The following STXBP4 variants were observed in gnomAD, a reference collection of about 807,000 sequenced individuals.
STXBP4 encodes syntaxin-binding protein 4.
In STXBP4, 55 loss-of-function variants were observed where a neutral mutation model predicts 76.1. That is an observed-to-expected ratio of 0.72 (90% CI 0.58 to 0.91). STXBP4 has a LOEUF of 0.91. Among genes scored for constraint, STXBP4 ranks in the 40% least tolerant of loss-of-function variants. STXBP4 has a pLI of 0.00. For synonymous variants in STXBP4, 201 were observed against 220.2 expected (o/e 0.91, Z 0.77); for missense variants, 618 against 636.9 (o/e 0.97, Z 0.32).
chr17:55,193,814 A>AG, the STXBP4 span, among the ~76,000 whole-genome samples: 17 of 70,856 alleles, frequency 2.4e-4, no homozygotes, highest in African/African-American at 7.0e-4. Flanking sequence ...ACCTGATTTC[A>AG]GAAAAAAAAA....
intron 8 of STXBP4, 139 bp from the exon 9 acceptor site, chr17:55,031,029 G>A (rs945846663): frequency 1.7e-6 from 1 of 598,634 alleles, no homozygotes; most frequent in South Asian, 2.2e-5. Flanking sequence ...TCCATAAAGA[G>A]CTGACTTCCC....
intron 10 of STXBP4, among the ~76,000 whole-genome samples, chr17:55,035,601 C>A (rs905579138): frequency 4.0e-5 from 6 of 151,762 alleles, no homozygotes; most frequent in African/African-American, 1.4e-4. Context: ...TTAAAATTTT[C>A]TTCCATATTG....
chr17:55,052,916 CGTGTGTGTGTGTGT>C (rs59163531), intron 12 of STXBP4, among the ~76,000 whole-genome samples: 6 of 95,700 alleles, frequency 6.3e-5, no homozygotes, highest in Admixed American at 1.4e-4. Context: ...ACGTGTATGA[CGTGTGTGTGTGTGT>C]GTGTGTGTGT....
rs536231335 is a variant in STXBP4, at chr17:55,127,294, T to G, written c.1490-14016T>G. 1.5e-3 allele frequency among the ~76,000 whole-genome samples: 229 copies of G among 152,352 alleles called. 1 individual carries two copies. The highest frequency in any genetic ancestry group is 7.9e-4 in the Non-Finnish European group (54 of 68,032). ...TTGAGATTCATCCTTGTATGCGTAA[T>G]GTTGAGTGGTATTCCATTATATTGT... On this transcript the variant is annotated intron_variant, in intron 16 of 17. Coordinates refer to ENST00000376352, the MANE Select transcript of STXBP4 (RefSeq NM_178509.6).
At chr17:55,041,275 G>A (rs2078695183) in intron 10 of STXBP4, among the ~76,000 whole-genome samples, 1 of 144,074 alleles carries the variant, frequency 6.9e-6, no homozygotes, top group African/African-American at 2.6e-5. Flanking sequence ...CCTGCCATCA[G>A]GCTGGAGTGC....
chr17:55,150,679 G>C (rs2080206469), intron 17 of STXBP4, among the ~76,000 whole-genome samples: 1 of 152,098 alleles, frequency 6.6e-6, no homozygotes, highest in South Asian at 2.1e-4. Flanking sequence ...TAGGCAAATT[G>C]CAAGAGTTGA....
intron 16 of STXBP4, among the ~76,000 whole-genome samples, chr17:55,104,708 G>C (rs1189099881): frequency 1.3e-5 from 2 of 152,140 alleles, no homozygotes; most frequent in South Asian, 2.1e-4. Flanking sequence ...AATGGTACCA[G>C]CTCCTCTTTG....
the STXBP4 span, among the ~76,000 whole-genome samples, chr17:55,183,959 T>C: frequency 9.8e-5 from 15 of 152,294 alleles, no homozygotes; most frequent in East Asian, 9.6e-4. Flanking sequence ...GAAAAAGTTA[T>C]GGACAATCTG....
At chr17:55,043,709 G>T (rs2078742532) in intron 11 of STXBP4, 1 of 1,475,392 alleles carries the variant, frequency 6.8e-7, no homozygotes, top group Non-Finnish European at 9.2e-7. Context: ...TCATGTGCAG[G>T]GCTATTCTTA....
At chr17:55,135,735 G>A (rs780220023) in intron 16 of STXBP4, among the ~76,000 whole-genome samples, 2 of 152,018 alleles carry the variant, frequency 1.3e-5, no homozygotes, top group Non-Finnish European at 2.9e-5. Flanking sequence ...GTGAAGCCTA[G>A]AAATTATTTC....
At chr17:55,206,797 C>T in the STXBP4 span, among the ~76,000 whole-genome samples, 1 of 142,120 alleles carries the variant, frequency 7.0e-6, no homozygotes, top group Non-Finnish European at 1.5e-5. Context: ...GGGGAGGTTG[C>T]AGTGAGCCAA....
At chr17:55,181,447 C>A in the STXBP4 span, among the ~76,000 whole-genome samples, 7 of 152,198 alleles carry the variant, frequency 4.6e-5, no homozygotes, top group African/African-American at 1.7e-4. Context: ...TGTCACAATT[C>A]TTTTGCTGAT....
chr17:55,048,619 A>AC lies in STXBP4; in HGVS notation c.1011+1470dup, dbSNP rs200001369. Among the ~76,000 whole-genome samples, 488 of 141,284 alleles carry AC rather than the reference A, an allele frequency of 3.5e-3. 2 individuals carry two copies. The highest frequency in any genetic ancestry group is 6.5e-3 in the African/African-American group (265 of 40,658). The allele number at this position is 141,284 out of a possible 152,430, so 92.7% of individuals were successfully genotyped here. A position where few individuals can be genotyped will look rare whatever the true frequency, so the allele number is the denominator to read the frequency against. ...AAAATAGTAATAATAGATATTGATC[A>AC]CCCCCAAAAAAATCAGGAAAAAGTG... On this transcript the variant is annotated intron_variant, in intron 12 of 17. Coordinates refer to ENST00000376352, the MANE Select transcript of STXBP4 (RefSeq NM_178509.6).
chr17:55,185,024 C>G, the STXBP4 span, among the ~76,000 whole-genome samples: 1 of 152,072 alleles, frequency 6.6e-6, no homozygotes, highest in African/African-American at 2.4e-5. Context: ...GCGCATGCCA[C>G]CAGGCCAGGA....
At chr17:54,976,356 AT>A (rs2077473679) in intron 1 of STXBP4, among the ~76,000 whole-genome samples, 2 of 152,258 alleles carry the variant, frequency 1.3e-5, no homozygotes, top group Non-Finnish European at 2.9e-5. Context: ...GATATTAATC[AT>A]TTCTTTGAAT....
chr17:55,086,376 T>C (rs2079329503), intron 16 of STXBP4, among the ~76,000 whole-genome samples: 1 of 152,200 alleles, frequency 6.6e-6, no homozygotes. Context: ...ATCTCAAACA[T>C]TGATCATTTC....
the STXBP4 span, among the ~76,000 whole-genome samples, chr17:55,197,586 C>CA: frequency 0.063 from 9,523 of 151,900 alleles, 381 homozygotes; most frequent in East Asian, 0.19. Context: ...TACTAAAAAT[C>CA]AAAAAAATCA....
the STXBP4 span, among the ~76,000 whole-genome samples, chr17:55,201,947 G>A: frequency 1.4e-4 from 21 of 152,174 alleles, no homozygotes; most frequent in African/African-American, 4.6e-4. Flanking sequence ...AGCATAAACA[G>A]TAAACAATTC....
chr17:55,011,809 G>A (rs750726919), intron 8 of STXBP4, among the ~76,000 whole-genome samples: 7 of 151,998 alleles, frequency 4.6e-5, no homozygotes, highest in Non-Finnish European at 7.4e-5. Flanking sequence ...ATTCTTAGTC[G>A]GCCTAGGAAA....
Sources: allele counts gnomAD v4.1 joint callset (sites outside exome capture counted in the v4.1 genomes callset), GRCh38; gene constraint gnomAD v4.1.1; transcripts MANE v1.5; gene names NCBI Gene and HGNC (gene_info 2026-07-23, HGNC 2026-07-21).